Variants in CCDC178 observed in about 807,000 individuals in gnomAD.
CCDC178 encodes coiled-coil domain containing 178.
Under a neutral mutation model 117.4 loss-of-function variants are expected in CCDC178, and 126 were observed. The ratio of observed to expected loss-of-function variants is 1.07; its 90% CI spans 0.93 to 1.24. The LOEUF (loss-of-function observed/expected upper bound fraction) is 1.24. Among genes scored for constraint, CCDC178 ranks in the 50% most tolerant of loss-of-function variants. The pLI is 0.00. For missense variants in CCDC178, 1,030 were observed against 986.9 expected (o/e 1.04, Z -0.59); for synonymous variants, 283 against 313.4 (o/e 0.90, Z 1.02).
At chr18:33,415,602 C>T (rs1347885957) in intron 2 of CCDC178, among the ~76,000 whole-genome samples, 1 of 151,880 alleles carries the variant, frequency 6.6e-6, no homozygotes, top group African/African-American at 2.4e-5. Flanking sequence ...ATGTAAATGA[C>T]GAGTTAACGG....
intron 20 of CCDC178, among the ~76,000 whole-genome samples, chr18:33,153,969 AG>A (rs1204970551): frequency 6.6e-6 from 1 of 152,100 alleles, no homozygotes; most frequent in Non-Finnish European, 1.5e-5. Context: ...ATATATAACG[AG>A]AAAAGACGTA....
intron 15 of CCDC178, among the ~76,000 whole-genome samples, chr18:33,237,998 G>T (rs144388876): frequency 9.9e-4 from 151 of 152,292 alleles, no homozygotes; most frequent in African/African-American, 3.4e-3. Context: ...CACCACCACA[G>T]ATTCTCTCAG....
chr18:33,160,594 C>G (rs903753484), intron 20 of CCDC178, among the ~76,000 whole-genome samples: 6 of 152,120 alleles, frequency 3.9e-5, no homozygotes, highest in Non-Finnish European at 2.9e-5. Flanking sequence ...TCTCGATACT[C>G]TGTCCATCAA....
At chr18:33,193,919 G>T (rs535545540) in intron 20 of CCDC178, among the ~76,000 whole-genome samples, 1 of 152,238 alleles carries the variant, frequency 6.6e-6, no homozygotes, top group Admixed American at 6.5e-5. Context: ...CCAAGTATCT[G>T]GGATAACACT....
intron 12 of CCDC178, among the ~76,000 whole-genome samples, chr18:33,268,967 A>C (rs754387665): frequency 2.6e-5 from 4 of 151,848 alleles, no homozygotes; most frequent in Non-Finnish European, 5.9e-5. Context: ...GCTCCACAGA[A>C]GCCTCAAAGA....
At chr18:33,371,879 T>C (rs1045425105) in intron 5 of CCDC178, among the ~76,000 whole-genome samples, 1 of 151,488 alleles carries the variant, frequency 6.6e-6, no homozygotes, top group African/African-American at 2.4e-5. Flanking sequence ...TGATCTCCTA[T>C]CCAAATATCT....
intron 4 of CCDC178, among the ~76,000 whole-genome samples, chr18:33,391,819 T>C (rs189523675): frequency 6.6e-6 from 1 of 152,056 alleles, no homozygotes; most frequent in Admixed American, 6.6e-5. Flanking sequence ...AAGTGAAATA[T>C]ATATATATGT....
chr18:33,140,751 A>C (rs1485302934), intron 20 of CCDC178, among the ~76,000 whole-genome samples: 1 of 152,182 alleles, frequency 6.6e-6, no homozygotes, highest in Non-Finnish European at 1.5e-5. Flanking sequence ...AAAATGAGTT[A>C]AGAATTTGGG....
rs544526077 is a variant in CCDC178, at chr18:32,985,249, T to C, written c.2389-10568A>G. ...ACACACAAGTAAACATAAATGCTTA[T>C]GAAGTTATTTGTTTTAAACAATTTG... On this transcript the variant is annotated intron_variant, in intron 21 of 22. Transcript: ENST00000383096. Among the ~76,000 whole-genome samples, 91 of 152,130 alleles carry C rather than the reference T, an allele frequency of 6.0e-4. 1 individual carries two copies. The highest frequency in any genetic ancestry group is 1.5e-3 in the African/African-American group (63 of 41,574).
chr18:33,168,321 C>A (rs2058557550), intron 20 of CCDC178, among the ~76,000 whole-genome samples: 1 of 152,076 alleles, frequency 6.6e-6, no homozygotes, highest in Non-Finnish European at 1.5e-5. Context: ...GTTGTCCCAG[C>A]ACCATTTGTT....
At chr18:33,318,553 T>C (rs1028336862) in intron 11 of CCDC178, among the ~76,000 whole-genome samples, 6 of 152,012 alleles carry the variant, frequency 3.9e-5, no homozygotes, top group Non-Finnish European at 8.8e-5. Context: ...AATAAGAAAA[T>C]CTAATATATG....
intron 15 of CCDC178, among the ~76,000 whole-genome samples, chr18:33,230,246 CTGTG>C (rs111674114): frequency 0.014 from 2,008 of 148,066 alleles, 108 homozygotes; most frequent in Admixed American, 0.1. Flanking sequence ...AACTCAGAGG[CTGTG>C]TGTGTGTGTG....
chr18:32,983,458 C>T (rs2055194693), intron 21 of CCDC178: 3 of 633,742 alleles, frequency 4.7e-6, no homozygotes, highest in Non-Finnish European at 8.0e-6. Context: ...AGAAGCAGCT[C>T]TAAGATTTAT....
chr18:33,226,277 G>A (rs1480613838), intron 16 of CCDC178, among the ~76,000 whole-genome samples: 2 of 152,094 alleles, frequency 1.3e-5, no homozygotes, highest in East Asian at 1.9e-4. Context: ...CTAAAGGGGA[G>A]GCATTCTAGA....
At chr18:33,237,873 C>T (rs375051681) in intron 15 of CCDC178, among the ~76,000 whole-genome samples, 14 of 152,280 alleles carry the variant, frequency 9.2e-5, no homozygotes, top group African/African-American at 3.4e-4. Flanking sequence ...GACAGAGTAA[C>T]AGCCCTGTGG....
intron 22 of CCDC178, among the ~76,000 whole-genome samples, chr18:32,952,623 A>C (rs550760615): frequency 2.4e-4 from 36 of 152,160 alleles, no homozygotes; most frequent in Non-Finnish European, 4.0e-4. Flanking sequence ...GAAGGTCTCT[A>C]ACATGCCCTG....
intron 20 of CCDC178, among the ~76,000 whole-genome samples, chr18:33,162,960 T>C (rs1199592368): frequency 2.6e-5 from 4 of 152,174 alleles, no homozygotes; most frequent in Non-Finnish European, 5.9e-5. Flanking sequence ...AGTAATGGGA[T>C]TGGTAGGTCG....
At chr18:33,269,510 T>C (rs998910600) in intron 12 of CCDC178, among the ~76,000 whole-genome samples, 5 of 151,814 alleles carry the variant, frequency 3.3e-5, no homozygotes, top group African/African-American at 1.2e-4. Context: ...TACGGCAACG[T>C]TGGCAACTGC....
At position 32,980,570 on chromosome 18, in the gene CCDC178, C is replaced by CAA. The variant is rs57402084; in HGVS notation, c.2389-5891_2389-5890dup. ...TGGGCGACAGAACGAGACTCCGTCTCAAAAAAAAAAAAAAAAAAAAAAAGC... is the reference window on the plus strand; with the variant it reads ...TGGGCGACAGAACGAGACTCCGTCTCAAAAAAAAAAAAAAAAAAAAAAAAAGC... On this transcript the variant is annotated intron_variant, in intron 21 of 22. Coordinates refer to ENST00000383096, the MANE Select transcript of CCDC178 (RefSeq NM_001105528.4). Among the ~76,000 whole-genome samples, 296 of 76,326 alleles carry CAA rather than the reference C, an allele frequency of 3.9e-3. 1 individual carries two copies. Among genetic ancestry groups the CAA allele is most frequent in the African/African-American group, 0.012 (198 of 16,828 alleles). 50.1% of individuals were successfully genotyped at this position (76,326 alleles called of 152,430 possible). A position where few individuals can be genotyped will look rare whatever the true frequency, so the allele number is the denominator to read the frequency against.
Sources: gnomAD v4.1 joint callset for allele counts (sites outside exome capture counted in the v4.1 genomes callset) on GRCh38, gnomAD v4.1.1 for gene constraint, MANE v1.5 for transcripts, NCBI Gene and HGNC (gene_info 2026-07-23, HGNC 2026-07-21) for gene names.